MDN1: variants seen among roughly 807,000 people sequenced by gnomAD.
MDN1 encodes the protein midasin AAA ATPase 1, also known as midasin.
In MDN1, 266 loss-of-function variants were observed where a neutral mutation model predicts 669.2. That is an observed-to-expected ratio of 0.40 (90% CI 0.36 to 0.44). MDN1 has a LOEUF of 0.44. Ranked by LOEUF, MDN1 falls within the 20% of genes least tolerant of loss-of-function variation. The probability of loss-of-function intolerance (pLI) is 1.00; values close to 1 mark genes in which losing one functional copy is unlikely to be tolerated. For synonymous variants in MDN1, 2,385 were observed against 2,457.1 expected, an observed-to-expected ratio of 0.97 and a Z score of 0.87; for missense variants, 5,940 against 6,754.0, an observed-to-expected ratio of 0.88 and a Z score of 4.22.
At chr6:89,750,734 C>A (rs1292414055) in intron 23 of MDN1, among the ~76,000 whole-genome samples, 1 of 152,102 alleles carries the variant, frequency 6.6e-6, no homozygotes, top group African/African-American at 2.4e-5. Flanking sequence ...TCTTGAGTAG[C>A]TGGGACTACA....
chr6:89,674,863 A>T (rs904615805), intron 78 of MDN1, among the ~76,000 whole-genome samples: 2 of 152,214 alleles, frequency 1.3e-5, no homozygotes, highest in Non-Finnish European at 2.9e-5. Context: ...TACTTTGCTA[A>T]ATAAACCCTA....
At position 89,784,996 on chromosome 6, in the gene MDN1, T is replaced by C; in HGVS notation, c.1449+16A>G. On this transcript the variant is annotated intron_variant, in intron 9 of 101. Coordinates refer to ENST00000369393, the MANE Select transcript of MDN1 (RefSeq NM_014611.3). ...CTGCACCTGGCCAGCATTGATACTT[T>C]CCAAGACCCACGTACCTCATTCAGT... is the stretch of plus-strand genomic sequence containing the variant. The C allele has an allele frequency of 1.9e-6, 3 of 1,557,518 alleles. No homozygotes were observed. The highest frequency in any genetic ancestry group is 2.7e-6 in the Non-Finnish European group (3 of 1,128,748).
At position 89,702,045 on chromosome 6, in the gene MDN1, C is replaced by T. The variant is rs939912086; in HGVS notation, c.8165G>A (p.Arg2722Gln). ...CACAGTCCAGAACCGGTCCCGCCAC[C>T]GCAGAGAACCTAAGATCTAAAAACA... is the stretch of plus-strand genomic sequence containing the variant. ...ASANEILGSL[R>Q]WRDRFWTVAD... The change falls in exon 54 of 102, where the codon CGG (arginine) becomes CAG (glutamine). Residue 2722 changes from arginine (R) to glutamine (Q), a missense_variant. Arg to Gln is a conservative substitution (Grantham distance 43). Coordinates refer to ENST00000369393, the MANE Select transcript of MDN1 (RefSeq NM_014611.3). The T allele has an allele frequency of 8.1e-6, 13 of 1,601,572 alleles. No individual in the cohort carries two copies. In the African/African-American group the frequency reaches 9.5e-5, roughly 12 times the overall value.
At chr6:89,688,924 C>A in intron 65 of MDN1, 116 bp from the exon 66 acceptor site, 1 of 821,984 alleles carries the variant, frequency 1.2e-6, no homozygotes, top group East Asian at 2.7e-5. Context: ...AATCCCAGCA[C>A]TTTGGGGAGC....
At position 89,690,762 on chromosome 6, in the gene MDN1, T is replaced by C. The variant is rs1216296553; in HGVS notation, c.10660A>G (p.Arg3554Gly). Residue 3554 changes from arginine (R) to glycine (G), a missense_variant, in exon 64 of 102, where the codon AGA becomes GGA. Physicochemically the swap from Arg to Gly is moderately radical, Grantham distance 125. Coordinates refer to ENST00000369393, the MANE Select transcript of MDN1 (RefSeq NM_014611.3). ...GTCCTAGAGTTCCTGCTCCTGTATC[T>C]ATACAGGCCGCTTTCCTGCTCAGCC... ...EKAEQESGLY[R>G]YRSRNSRTAL... 1.9e-6 allele frequency: 3 copies of C among 1,614,076 alleles called. No individual in the cohort carries two copies. Among genetic ancestry groups the C allele is most frequent in the East Asian group, 2.2e-5 (1 of 44,866 alleles).
intron 85 of MDN1, 94 bp from the exon 86 acceptor site, chr6:89,663,061 C>T (rs1310136091): frequency 2.1e-6 from 3 of 1,398,916 alleles, no homozygotes; most frequent in African/African-American, 2.9e-5. Context: ...TAGCAAGGGC[C>T]CCACCTGAGA....
Position 89,683,852 on chromosome 6 carries a change from T to G in MDN1, c.11882A>C (p.Gln3961Pro). 2 of 1,613,582 alleles carry G rather than the reference T, an allele frequency of 1.2e-6. No homozygotes were observed. The highest frequency in any genetic ancestry group is 1.7e-6 in the Non-Finnish European group (2 of 1,179,644). ...WNDVSFWSIK[Q>P]SVEKTHRTLF... is the part of the protein sequence containing the mutation. The stretch of plus-strand genomic sequence containing the variant: ...TTACCTGTGTGTCTTTTCTACAGAT[T>G]GCTTAATGGACCAGAAGCTGACATC... The change falls in exon 72 of 102, where the codon CAA becomes CCA. Residue 3961 changes from glutamine to proline, a missense_variant. Gln to Pro is a moderately conservative substitution (Grantham distance 76, BLOSUM62 -1). Coordinates refer to ENST00000369393, the MANE Select transcript of MDN1 (RefSeq NM_014611.3).
At chr6:89,761,522 C>CTT in intron 17 of MDN1, 123 bp downstream of exon 17, 1 of 583,116 alleles carries the variant, frequency 1.7e-6, no homozygotes, top group Non-Finnish European at 2.8e-6. Context: ...ATGAAGGACA[C>CTT]TTTTCAAAAT....
At chr6:89,813,673 GT>G (rs1768606859) in intron 1 of MDN1, among the ~76,000 whole-genome samples, 1 of 151,910 alleles carries the variant, frequency 6.6e-6, no homozygotes, top group East Asian at 1.9e-4. Context: ...CAAGGCTGAA[GT>G]GAGCTATGAT....
At chr6:89,680,561 C>A in intron 74 of MDN1, 28 bp downstream of exon 74, 2 of 1,603,144 alleles carry the variant, frequency 1.2e-6, no homozygotes, top group Non-Finnish European at 1.7e-6. Flanking sequence ...CAGAAAGATC[C>A]ACCCTTGACT....
At chr6:89,760,721 G>A (rs1447863626) in intron 17 of MDN1, among the ~76,000 whole-genome samples, 1 of 152,090 alleles carries the variant, frequency 6.6e-6, no homozygotes. Flanking sequence ...AGAATATTAT[G>A]CTAAGTGAAA....
At chr6:89,747,764 G>T (rs896649156) in intron 26 of MDN1, among the ~76,000 whole-genome samples, 1 of 151,218 alleles carries the variant, frequency 6.6e-6, no homozygotes, top group Non-Finnish European at 1.5e-5. Context: ...GGTGGCGGGT[G>T]CCTGTAGTCC....
Position 89,750,548 on chromosome 6 carries a change from C to T in MDN1, c.3228-16G>A. ...TGGATAGGTTCTGTAAAAGATTAGC[C>T]AATTAAGCAACTTAAAACAACAAAA... On this transcript the variant is annotated splice_polypyrimidine_tract_variant and intron_variant, in intron 23 of 101. Transcript: ENST00000369393. 6.3e-7 allele frequency: 1 copy of T among 1,588,154 alleles called. No individual in the cohort carries two copies. The highest frequency in any genetic ancestry group is 1.7e-5 in the Admixed American group (1 of 58,102).
chr6:89,697,411 A>G (rs1027778706), intron 59 of MDN1, among the ~76,000 whole-genome samples: 2 of 152,180 alleles, frequency 1.3e-5, no homozygotes, highest in African/African-American at 4.8e-5. Flanking sequence ...CAATAAGTAG[A>G]AGGGACTGGC....
intron 92 of MDN1, among the ~76,000 whole-genome samples, chr6:89,655,374 AAG>A (rs1809180097): frequency 6.6e-6 from 1 of 152,202 alleles, no homozygotes. Flanking sequence ...ACTAAGAAGA[AAG>A]AAATGTCCAG....
intron 40 of MDN1, among the ~76,000 whole-genome samples, chr6:89,720,537 G>A (rs555791518): frequency 9.9e-5 from 15 of 151,730 alleles, no homozygotes; most frequent in African/African-American, 2.9e-4. Flanking sequence ...TGTCTCCCCC[G>A]CTAGAAAACA....
intron 12 of MDN1, among the ~76,000 whole-genome samples, chr6:89,775,859 G>T (rs1416036549): frequency 6.6e-6 from 1 of 151,842 alleles, no homozygotes; most frequent in African/African-American, 2.4e-5. Flanking sequence ...CTAATTTATT[G>T]TATTTTTTTA....
chr6:89,713,326 A>T (rs772741987), intron 46 of MDN1, 30 bp from the exon 47 acceptor site: 1 of 1,559,748 alleles, frequency 6.4e-7, no homozygotes, highest in South Asian at 1.2e-5. Context: ...ATCTATAAAC[A>T]ATAGAGTCTT....
At chr6:89,716,888 G>C (rs1814412227) in intron 43 of MDN1, 79 bp from the exon 44 acceptor site, 1 of 1,400,124 alleles carries the variant, frequency 7.1e-7, no homozygotes, top group Non-Finnish European at 9.5e-7. Flanking sequence ...AAGGAAGCTT[G>C]ATACTTCTAG....
Sources: allele counts gnomAD v4.1 joint callset (sites outside exome capture counted in the v4.1 genomes callset), GRCh38; gene constraint gnomAD v4.1.1; transcripts MANE v1.5; gene names NCBI Gene and HGNC (gene_info 2026-07-23, HGNC 2026-07-21).